Variants in PTGER3 observed in about 807,000 individuals in gnomAD.
The protein encoded by PTGER3 is prostaglandin E receptor 3, also known as prostaglandin E2 receptor EP3 subtype.
Under a neutral mutation model 34.7 loss-of-function variants are expected in PTGER3, and 22 were observed. That is an observed-to-expected ratio of 0.63 (90% CI 0.45 to 0.91). PTGER3 has a LOEUF of 0.91. PTGER3 is among the 40% of genes least tolerant of loss of function. The pLI, the probability that PTGER3 is intolerant of heterozygous loss-of-function variation, is 0.00. For missense variants in PTGER3, 468 were observed against 519.4 expected, an observed-to-expected ratio of 0.90 and a Z score of 0.96; for synonymous variants, 241 against 230.1, an observed-to-expected ratio of 1.05 and a Z score of -0.43.
intron 2 of PTGER3, among the ~76,000 whole-genome samples, chr1:71,005,519 A>G (rs1656875251): frequency 6.6e-6 from 1 of 152,128 alleles, no homozygotes; most frequent in Non-Finnish European, 1.5e-5. Context: ...AGCTCTGATT[A>G]TTTCCTGTTC....
chr1:70,984,990 C>T (rs1031287730), intron 2 of PTGER3, among the ~76,000 whole-genome samples: 2 of 152,040 alleles, frequency 1.3e-5, no homozygotes, highest in African/African-American at 4.8e-5. Context: ...TCATGGAAAC[C>T]CTTCCATCAC....
rs145317475 is a variant in PTGER3, at chr1:70,893,458, T to G, written c.*24-40599A>C. On this transcript the variant is annotated intron_variant, in intron 4 of 4. Transcript: ENST00000370931. ...CCTGGGAATGGTAGTAGGGTCTTTT[T>G]TCTGCATGTCTTTCCTTGTGATTCC... Among the ~76,000 whole-genome samples, 29 of 152,330 alleles carry G rather than the reference T, an allele frequency of 1.9e-4. No individual in the cohort carries two copies. In the East Asian group the frequency reaches 5.2e-3, roughly 27 times the overall value.
At chr1:70,878,869 C>T (rs1388752970) in intron 4 of PTGER3, among the ~76,000 whole-genome samples, 1 of 151,972 alleles carries the variant, frequency 6.6e-6, no homozygotes, top group African/African-American at 2.4e-5. Flanking sequence ...TTTTGGTTTG[C>T]TGAGAATTGC....
chr1:70,936,338 G>C (rs529456438), intron 4 of PTGER3, among the ~76,000 whole-genome samples: 1 of 152,308 alleles, frequency 6.6e-6, no homozygotes, highest in East Asian at 1.9e-4. Flanking sequence ...ACACACAAAA[G>C]TGTAGAGGCT....
At chr1:70,894,258 G>A (rs956723680) in intron 4 of PTGER3, among the ~76,000 whole-genome samples, 2 of 128,276 alleles carry the variant, frequency 1.6e-5, no homozygotes, top group African/African-American at 2.9e-5. Context: ...GCAGTGAGCC[G>A]AGATCATGCC....
intron 1 of PTGER3, among the ~76,000 whole-genome samples, chr1:71,037,595 T>C (rs977486013): frequency 2.6e-5 from 4 of 152,236 alleles, no homozygotes; most frequent in Non-Finnish European, 4.4e-5. Flanking sequence ...TTTTTACGTA[T>C]TTTCCCCCAT....
intron 1 of PTGER3, among the ~76,000 whole-genome samples, chr1:71,016,311 C>A (rs372949052): frequency 6.6e-6 from 1 of 152,076 alleles, no homozygotes; most frequent in Admixed American, 6.6e-5. Flanking sequence ...ACATCTCTAA[C>A]ATCAGGTGTA....
At chr1:70,897,427 C>T (rs1403113433) in intron 4 of PTGER3, among the ~76,000 whole-genome samples, 1 of 152,166 alleles carries the variant, frequency 6.6e-6, no homozygotes, top group African/African-American at 2.4e-5. Context: ...TGATGAGAAC[C>T]TCTACCCTCG....
chr1:70,993,312 T>C (rs1655635760), intron 2 of PTGER3, among the ~76,000 whole-genome samples: 1 of 152,198 alleles, frequency 6.6e-6, no homozygotes, highest in Non-Finnish European at 1.5e-5. Context: ...CCTGGGTCTT[T>C]GGTTTGCTTT....
intron 1 of PTGER3, among the ~76,000 whole-genome samples, chr1:71,035,362 C>T (rs1025209752): frequency 3.9e-5 from 6 of 152,178 alleles, no homozygotes; most frequent in Non-Finnish European, 7.3e-5. Context: ...AAATGTACTT[C>T]TACAAAAACA....
At position 70,910,295 on chromosome 1, in the gene PTGER3, T is replaced by C. The variant is rs527984932; in HGVS notation, c.*23+43468A>G. ...TTCTGCCTAAAGCCACAAGGCTGCC[T>C]GACAGTGGTGGAATCTGTCAACCTC... On this transcript the variant is annotated intron_variant, in intron 4 of 4. Transcript: ENST00000370931. Among the ~76,000 whole-genome samples the C allele has an allele frequency of 1.2e-4, 19 of 152,356 alleles. No individual in the cohort carries two copies. The South Asian group carries it at 3.9e-3, about 32-fold the overall frequency.
intron 4 of PTGER3, among the ~76,000 whole-genome samples, chr1:70,926,082 T>A (rs1037685232): frequency 6.6e-6 from 1 of 152,188 alleles, no homozygotes; most frequent in Non-Finnish European, 1.5e-5. Context: ...AATATTGTTA[T>A]CAACATTGTA....
chr1:71,012,212 C>A (rs768608580), intron 2 of PTGER3, 93 bp downstream of exon 2: 1 of 1,607,808 alleles, frequency 6.2e-7, no homozygotes, highest in East Asian at 2.2e-5. Context: ...TAAGTGTTTT[C>A]TTTCATGCTT....
chr1:70,875,145 G>C (rs1194096109), intron 4 of PTGER3, among the ~76,000 whole-genome samples: 1 of 152,192 alleles, frequency 6.6e-6, no homozygotes, highest in Non-Finnish European at 1.5e-5. Context: ...AAAGTCCTTG[G>C]AGACTGATGC....
chr1:70,898,858 T>C (rs1359427934), intron 4 of PTGER3, among the ~76,000 whole-genome samples: 1 of 152,184 alleles, frequency 6.6e-6, no homozygotes, highest in African/African-American at 2.4e-5. Flanking sequence ...AAAAAGGAGA[T>C]ACAATTTTCT....
chr1:71,007,338 G>T (rs1258651333), intron 2 of PTGER3: 10 of 985,626 alleles, frequency 1.0e-5, no homozygotes, highest in Non-Finnish European at 1.1e-5. Flanking sequence ...ATTTGATAAG[G>T]AGAGCAAGAA....
intron 4 of PTGER3, among the ~76,000 whole-genome samples, chr1:70,864,463 C>T (rs376444097): frequency 3.9e-5 from 6 of 152,144 alleles, no homozygotes; most frequent in South Asian, 2.1e-4. Flanking sequence ...AAATTAAACA[C>T]GGAGGACATT....
At chr1:71,010,572 G>A (rs770731751) in intron 2 of PTGER3, 38 of 984,458 alleles carry the variant, frequency 3.9e-5, no homozygotes, top group Non-Finnish European at 3.6e-5. Context: ...CCAACCAAGA[G>A]GTAAAGCCTC....
chr1:70,954,126 A>G (rs559621748), intron 2 of PTGER3, among the ~76,000 whole-genome samples: 1 of 152,268 alleles, frequency 6.6e-6, no homozygotes, highest in South Asian at 2.1e-4. Context: ...AAGTATATAG[A>G]AATCACTCAC....
Sources: gnomAD v4.1 joint callset for allele counts (sites outside exome capture counted in the v4.1 genomes callset) on GRCh38, gnomAD v4.1.1 for gene constraint, MANE v1.5 for transcripts, NCBI Gene and HGNC (gene_info 2026-07-23, HGNC 2026-07-21) for gene names.